Variants in DPH6 observed in about 807,000 individuals in gnomAD.
The protein encoded by DPH6 is diphthamine biosynthesis 6, also known as diphthine--ammonia ligase.
DPH6 carries 33 observed loss-of-function variants against 38.2 expected under a neutral mutation model. That is an observed-to-expected ratio of 0.86 (90% CI 0.65 to 1.15). DPH6 has a LOEUF of 1.15. Among genes scored for constraint, DPH6 ranks in the 50% most tolerant of loss-of-function variants. DPH6 has a pLI of 0.00. For synonymous variants in DPH6, 108 were observed against 103.0 expected (o/e 1.05, Z -0.30); for missense variants, 325 against 320.0 (o/e 1.02, Z -0.12).
rs1221660661 is a variant in DPH6, at chr15:35,301,990, T to C, written n.200+71531A>G. Among the ~76,000 whole-genome samples the C allele has an allele frequency of 7.2e-5, 11 of 151,830 alleles. No homozygotes were observed. The East Asian group carries it at 1.2e-3, about 16-fold the overall frequency. The stretch of plus-strand genomic sequence containing the variant: ...CTCCATCTCAAAATAATAATAATAA[T>C]AATTAAAAAGATTTAAAAACCAAAT... On this transcript the variant is annotated intron_variant and non_coding_transcript_variant, in intron 3 of 3. Coordinates refer to the DPH6 transcript ENST00000560386.
chr15:35,277,905 A>C (rs774408316), intron 3 of DPH6, among the ~76,000 whole-genome samples: 11 of 152,200 alleles, frequency 7.2e-5, no homozygotes, highest in Admixed American at 2.6e-4. Context: ...GCCTATCATC[A>C]GATACAGGAG....
intron 3 of DPH6, among the ~76,000 whole-genome samples, chr15:35,340,634 T>A (rs1566874571): frequency 6.6e-6 from 1 of 152,232 alleles, no homozygotes; most frequent in Non-Finnish European, 1.5e-5. Context: ...CTTTTGCTTA[T>A]GAAGCTTAGT....
intron 6 of DPH6, among the ~76,000 whole-genome samples, chr15:35,382,676 A>G (rs35058294): frequency 0.031 from 4,707 of 152,224 alleles, 94 homozygotes; most frequent in Non-Finnish European, 0.045. Context: ...TTCCTTAGGC[A>G]TGAACAAAAA....
intron 3 of DPH6, among the ~76,000 whole-genome samples, chr15:35,488,238 T>A (rs978296327): frequency 2.0e-5 from 3 of 152,180 alleles, no homozygotes; most frequent in Admixed American, 6.5e-5. Context: ...CTCCAAATTG[T>A]TCCAACCTCT....
chr15:35,390,960 C>T (rs1334635254), intron 6 of DPH6, among the ~76,000 whole-genome samples: 1 of 152,162 alleles, frequency 6.6e-6, no homozygotes, highest in African/African-American at 2.4e-5. Flanking sequence ...GTTTTCTCCC[C>T]ATCTTTGTGG....
intron 5 of DPH6, among the ~76,000 whole-genome samples, chr15:35,439,143 G>T (rs1001138243): frequency 6.6e-6 from 1 of 152,182 alleles, no homozygotes; most frequent in African/African-American, 2.4e-5. Flanking sequence ...TTGTCTTTAA[G>T]ATTTCATTAG....
chr15:35,348,784 G>A (rs2052483435), intron 3 of DPH6, among the ~76,000 whole-genome samples: 2 of 152,008 alleles, frequency 1.3e-5, no homozygotes, highest in African/African-American at 2.4e-5. Flanking sequence ...ATGATCACGG[G>A]ATGTCTTCCC....
chr15:35,207,512 T>C, the DPH6 span, among the ~76,000 whole-genome samples: 1 of 152,166 alleles, frequency 6.6e-6, no homozygotes, highest in Non-Finnish European at 1.5e-5. Flanking sequence ...GTTACTATAA[T>C]AATCATTCCA....
At chr15:35,519,280 G>GTCATGTATA (rs2054889039) in intron 3 of DPH6, 3 of 151,794 alleles carry the variant, frequency 2.0e-5, no homozygotes, top group South Asian at 2.1e-4. Flanking sequence ...CATGTATAAC[G>GTCATGTATA]ACTGGGTTTC....
At chr15:35,268,680 T>C (rs1014730695) in intron 3 of DPH6, among the ~76,000 whole-genome samples, 1 of 151,432 alleles carries the variant, frequency 6.6e-6, no homozygotes, top group Non-Finnish European at 1.5e-5. Flanking sequence ...AAAAGGAAGT[T>C]AAACATGAAG....
chr15:35,329,013 C>T (rs572937387), downstream of DPH6, among the ~76,000 whole-genome samples: 73 of 152,252 alleles, frequency 4.8e-4, 1 homozygote, highest in Non-Finnish European at 7.1e-4. Flanking sequence ...GAACAGTACG[C>T]GGGAAACTGC....
In DPH6 at chr15:35,476,074, T is replaced by A. The variant is rs572903632; in HGVS notation, c.313-21254A>T. ...AGAGAAGGCTAATTTATAAAAATTTTAAAAAATATATGGCCATTTCAAATT... is the reference window on the plus strand; with the variant it reads ...AGAGAAGGCTAATTTATAAAAATTTAAAAAAATATATGGCCATTTCAAATT... On this transcript the variant is annotated intron_variant, in intron 3 of 8. Coordinates refer to ENST00000256538, the MANE Select transcript of DPH6 (RefSeq NM_080650.4). Among the ~76,000 whole-genome samples, 285 of 151,952 alleles carry A rather than the reference T, an allele frequency of 1.9e-3. 5 individuals carry two copies. Among genetic ancestry groups the A allele is most frequent in the Middle Eastern group, 0.014 (4 of 294 alleles).
intron 3 of DPH6, among the ~76,000 whole-genome samples, chr15:35,333,580 T>C (rs111839573): frequency 1.8e-4 from 27 of 152,228 alleles, no homozygotes; most frequent in Middle Eastern, 3.4e-3. Context: ...CAAAGTAATA[T>C]ACATGATGAA....
At chr15:35,366,323 T>C (rs2052659673), downstream of DPH6, among the ~76,000 whole-genome samples, 1 of 151,562 alleles carries the variant, frequency 6.6e-6, no homozygotes, top group African/African-American at 2.4e-5. Context: ...ATCAACTAGA[T>C]TTCAATCCCC....
chr15:35,192,800 CATTT>C, the DPH6 span, among the ~76,000 whole-genome samples: 1 of 152,184 alleles, frequency 6.6e-6, no homozygotes, highest in African/African-American at 2.4e-5. Context: ...CAACAACATT[CATTT>C]ATTTATTTCT....
intron 6 of DPH6, among the ~76,000 whole-genome samples, chr15:35,391,117 T>C (rs2053049992): frequency 6.6e-6 from 1 of 152,214 alleles, no homozygotes; most frequent in African/African-American, 2.4e-5. Flanking sequence ...CTCCAGACCC[T>C]ATTTGCCTGG....
chr15:35,486,169 C>A (rs1427544775), intron 3 of DPH6, among the ~76,000 whole-genome samples: 1 of 151,284 alleles, frequency 6.6e-6, no homozygotes, highest in African/African-American at 2.4e-5. Context: ...GGAATGAGTG[C>A]AAGCAGGGGA....
chr15:35,393,176 G>C (rs896393152), intron 6 of DPH6, among the ~76,000 whole-genome samples: 1 of 152,146 alleles, frequency 6.6e-6, no homozygotes, highest in Non-Finnish European at 1.5e-5. Flanking sequence ...AAAGAACTGA[G>C]CAGCTGGAGG....
intron 3 of DPH6, among the ~76,000 whole-genome samples, chr15:35,260,063 C>A (rs1021246623): frequency 4.6e-5 from 7 of 152,234 alleles, no homozygotes; most frequent in Admixed American, 4.6e-4. Context: ...AATGTTCATG[C>A]CACCATGCAT....
Sources: gnomAD v4.1 joint callset for allele counts (sites outside exome capture counted in the v4.1 genomes callset) on GRCh38, gnomAD v4.1.1 for gene constraint, MANE v1.5 for transcripts, NCBI Gene and HGNC (gene_info 2026-07-23, HGNC 2026-07-21) for gene names.